MYO1E: variants seen among roughly 807,000 people sequenced by gnomAD.
MYO1E encodes the protein unconventional myosin-Ie.
In MYO1E, 68 loss-of-function variants were observed where a neutral mutation model predicts 151.1. The observed-to-expected ratio is 0.45, with a 90% confidence interval of 0.37 to 0.55. The LOEUF is 0.55. Among genes scored for constraint, MYO1E ranks in the 20% least tolerant of loss-of-function variants. MYO1E has a pLI of 0.00. For missense variants in MYO1E, 1,363 were observed against 1,389.3 expected (o/e 0.98, Z 0.30); for synonymous variants, 601 against 501.7 (o/e 1.20, Z -2.64).
chr15:59,356,435 G>A (rs1051788814), intron 1 of MYO1E, among the ~76,000 whole-genome samples: 2 of 152,094 alleles, frequency 1.3e-5, no homozygotes, highest in Non-Finnish European at 2.9e-5. Context: ...GAGTACCCAC[G>A]AGCAGCAGTT....
chr15:59,209,143 G>C, intron 13 of MYO1E: 1 of 458,002 alleles, frequency 2.2e-6, no homozygotes, highest in Non-Finnish European at 3.9e-6. Flanking sequence ...AAATTGACTT[G>C]CTTAAGAATC....
chr15:59,230,076 C>T (rs1388151666), intron 6 of MYO1E, among the ~76,000 whole-genome samples: 2 of 152,138 alleles, frequency 1.3e-5, no homozygotes, highest in African/African-American at 4.8e-5. Context: ...AAGAATGTGT[C>T]AGTTCTCAAC....
intron 1 of MYO1E, among the ~76,000 whole-genome samples, chr15:59,371,435 A>ATTTTT: frequency 6.7e-6 from 1 of 148,264 alleles, no homozygotes; most frequent in Non-Finnish European, 1.5e-5. Flanking sequence ...CTTGTAATAG[A>ATTTTT]TTTTTTTTTT....
At chr15:59,300,329 C>T (rs8025141) in intron 1 of MYO1E, among the ~76,000 whole-genome samples, 25,281 of 151,980 alleles carry the variant, frequency 0.17, 3,488 homozygotes, top group African/African-American at 0.38. Flanking sequence ...CACACACACA[C>T]GCACGGTCAT....
chr15:59,182,734 G>A (rs1330663460), intron 18 of MYO1E, among the ~76,000 whole-genome samples: 1 of 152,206 alleles, frequency 6.6e-6, no homozygotes, highest in Non-Finnish European at 1.5e-5. Flanking sequence ...GTAAAGTACA[G>A]CATGGAATCA....
At chr15:59,245,660 A>T (rs1331903612) in intron 4 of MYO1E, among the ~76,000 whole-genome samples, 2 of 152,238 alleles carry the variant, frequency 1.3e-5, no homozygotes, top group Non-Finnish European at 2.9e-5. Context: ...ATGCTTTCCA[A>T]TTGACATCAT....
chr15:59,197,122 A>T (rs1250658362), intron 16 of MYO1E, among the ~76,000 whole-genome samples: 5 of 147,926 alleles, frequency 3.4e-5, no homozygotes, highest in Non-Finnish European at 7.4e-5. Flanking sequence ...CCTCCCGAGT[A>T]GCTGGGACTA....
intron 22 of MYO1E, among the ~76,000 whole-genome samples, chr15:59,167,224 C>T (rs73420839): frequency 0.011 from 1,694 of 152,236 alleles, 34 homozygotes; most frequent in African/African-American, 0.039. Context: ...CTAAAAGCAC[C>T]GTCTTACGGG....
At chr15:59,291,682 TAAAAAAAAAAAA>T (rs1182076268) in intron 1 of MYO1E, among the ~76,000 whole-genome samples, 8 of 7,806 alleles carry the variant, frequency 1.0e-3, no homozygotes, top group Middle Eastern at 0.1. Context: ...CTAAAAATAC[TAAAAAAAAAAAA>T]AAAAAAAAAA....
At chr15:59,201,213 T>G (rs2079799659) in intron 16 of MYO1E, among the ~76,000 whole-genome samples, 1 of 151,776 alleles carries the variant, frequency 6.6e-6, no homozygotes, top group African/African-American at 2.4e-5. Flanking sequence ...TCCTCCTTCC[T>G]TAGCCTCCCA....
intron 1 of MYO1E, among the ~76,000 whole-genome samples, chr15:59,347,644 A>T (rs2080801963): frequency 6.6e-6 from 1 of 152,186 alleles, no homozygotes; most frequent in African/African-American, 2.4e-5. Flanking sequence ...GAATAAAGAA[A>T]AGGATCAAGG....
At chr15:59,181,600 C>T (rs1468700577) in intron 18 of MYO1E, among the ~76,000 whole-genome samples, 1 of 152,202 alleles carries the variant, frequency 6.6e-6, no homozygotes, top group Non-Finnish European at 1.5e-5. Context: ...TTGATTTTTG[C>T]TCTCCAATAT....
intron 3 of MYO1E, among the ~76,000 whole-genome samples, chr15:59,258,836 GAC>G (rs1274584157): frequency 6.6e-6 from 1 of 151,328 alleles, no homozygotes; most frequent in East Asian, 1.9e-4. Flanking sequence ...CAGCATGGGT[GAC>G]AGAGTGAGAC....
rs2140309205 is a variant in MYO1E at position 59,158,307 on chromosome 15, C to A, written c.2858G>T (p.Arg953Ile). 6.3e-7 allele frequency: 1 copy of A among 1,576,158 alleles called. No individual in the cohort carries two copies. Among genetic ancestry groups the A allele is most frequent in the Non-Finnish European group, 8.6e-7 (1 of 1,158,744 alleles). Reference sequence around the variant, plus strand: ...CTTACCTGGGGGAGGAGGGGCAGCTCTCACTGGGTAGTTGGCATTTTGAGT... The same window carrying A: ...CTTACCTGGGGGAGGAGGGGCAGCTATCACTGGGTAGTTGGCATTTTGAGT... ...SGTQNANYPVRAAPPPPGYHQ... is the reference protein window; with the variant it reads ...SGTQNANYPVIAAPPPPGYHQ... The change falls in exon 25 of 28, where the codon AGA becomes ATA. Residue 953 changes from arginine (R) to isoleucine (I), a missense_variant. Transcript: ENST00000288235.
chr15:59,269,825 G>C lies in MYO1E; in HGVS notation c.147+2481C>G, dbSNP rs1489202393. On this transcript the variant is annotated intron_variant, in intron 2 of 27. Transcript: ENST00000288235. ...CCAAGATTTCGCCAACTGCACTTCAGCCTGGCGAGAGAGCAAGACTCCATC... is the reference window on the plus strand; with the variant it reads ...CCAAGATTTCGCCAACTGCACTTCACCCTGGCGAGAGAGCAAGACTCCATC... Among the ~76,000 whole-genome samples the C allele has an allele frequency of 2.0e-5, 3 of 151,916 alleles. No homozygotes were observed. In the East Asian group the frequency reaches 5.8e-4, roughly 29 times the overall value.
intron 18 of MYO1E, 49 bp downstream of exon 18, chr15:59,188,069 T>C (rs767588427): frequency 3.7e-6 from 5 of 1,351,450 alleles, no homozygotes; most frequent in Admixed American, 1.7e-5. Flanking sequence ...ATTTGAATTA[T>C]AGCTCAATAA....
intron 4 of MYO1E, among the ~76,000 whole-genome samples, chr15:59,244,485 C>T (rs1298598026): frequency 6.6e-6 from 1 of 152,170 alleles, no homozygotes; most frequent in East Asian, 1.9e-4. Flanking sequence ...GTAACTGAGG[C>T]TTGCAGGGGT....
chr15:59,293,205 GA>G (rs1360048108), intron 1 of MYO1E, among the ~76,000 whole-genome samples: 1 of 152,186 alleles, frequency 6.6e-6, no homozygotes, highest in African/African-American at 2.4e-5. Flanking sequence ...GGCTTAGAAT[GA>G]AACCCCCTCC....
intron 6 of MYO1E, among the ~76,000 whole-genome samples, chr15:59,230,226 G>GTT (rs2080019447): frequency 6.9e-6 from 1 of 145,558 alleles, no homozygotes; most frequent in African/African-American, 2.7e-5. Context: ...GTGTGTGTTT[G>GTT]TGTGTGTGTG....
Sources: gnomAD v4.1 joint callset for allele counts (sites outside exome capture counted in the v4.1 genomes callset) on GRCh38, gnomAD v4.1.1 for gene constraint, MANE v1.5 for transcripts, NCBI Gene and HGNC (gene_info 2026-07-23, HGNC 2026-07-21) for gene names.